Variants in DAB2IP observed in about 807,000 individuals in gnomAD.
DAB2IP encodes the protein DAB2 interacting protein.
Under a neutral mutation model 107.2 loss-of-function variants are expected in DAB2IP, and 28 were observed. The observed-to-expected ratio is 0.26, with a 90% CI of 0.19 to 0.36. DAB2IP has a LOEUF of 0.36. Among genes scored for constraint, DAB2IP ranks in the 10% least tolerant of loss-of-function variants. The pLI is 1.00. For missense variants in DAB2IP, 1,400 were observed against 1,644.7 expected (o/e 0.85, Z 2.57); for synonymous variants, 755 against 706.4 (o/e 1.07, Z -1.09).
At chr9:121,743,378 C>T (rs529866211) in intron 3 of DAB2IP, among the ~76,000 whole-genome samples, 1 of 152,244 alleles carries the variant, frequency 6.6e-6, no homozygotes, top group South Asian at 2.1e-4. Flanking sequence ...CTAAAATCTT[C>T]CTCAGAAGCC....
chr9:121,575,096 G>C (rs1233996131), intron 1 of DAB2IP: 3 of 152,390 alleles, frequency 2.0e-5, no homozygotes, highest in Non-Finnish European at 4.4e-5. Context: ...AGAGAGAAGA[G>C]TTGGTTTCCC....
At position 121,763,490 on chromosome 9, in the gene DAB2IP, C is replaced by T. The variant is rs1362105746; in HGVS notation, c.1171-15C>T. 1.9e-6 allele frequency: 3 copies of T among 1,606,474 alleles called. No homozygotes were observed. Among genetic ancestry groups the T allele is most frequent in the Non-Finnish European group, 1.7e-6 (2 of 1,176,390 alleles). On this transcript the variant is annotated splice_polypyrimidine_tract_variant and intron_variant, in intron 6 of 15. Coordinates refer to ENST00000408936, the Ensembl canonical transcript of DAB2IP. ...CCAGCTCAGGTCCTGCTCTCTCCAC[C>T]TCCTGCCTCCCCAGGACTTCCTGAC... is the stretch of plus-strand genomic sequence containing the variant.
In DAB2IP at chr9:121,739,342, A is replaced by G. The variant is rs141143827; in HGVS notation, c.363-17671A>G. On this transcript the variant is annotated intron_variant, in intron 3 of 15. Coordinates refer to ENST00000408936, the Ensembl canonical transcript of DAB2IP. ...TGGGTGTTGCTGGATGAGGTCAGAG[A>G]GTAGGTAGGTCATGACTGCCAATGT... Among the ~76,000 whole-genome samples the G allele has an allele frequency of 3.3e-5, 5 of 152,314 alleles. 1 individual carries two copies. In the East Asian group the frequency reaches 9.6e-4, roughly 29 times the overall value.
At chr9:121,716,221 C>G (rs912908632) in intron 3 of DAB2IP, among the ~76,000 whole-genome samples, 1 of 152,210 alleles carries the variant, frequency 6.6e-6, no homozygotes, top group Non-Finnish European at 1.5e-5. Flanking sequence ...GTGGAGTATA[C>G]TTTTATCTTC....
exon 16 of DAB2IP, chr9:121,783,794 A>C (rs776042839): frequency 1.7e-6 from 1 of 585,050 alleles, no homozygotes; most frequent in Non-Finnish European, 3.0e-6. Flanking sequence ...CCTCAGCTCT[A>C]GGCTGTTCTG....
chr9:121,636,492 G>C (rs1049631078), intron 1 of DAB2IP, among the ~76,000 whole-genome samples: 48 of 152,276 alleles, frequency 3.2e-4, no homozygotes, highest in Admixed American at 5.9e-4. Context: ...CGGGAGGCCT[G>C]GCCTGGGCTA....
chr9:121,656,219 G>A (rs1030236386), intron 1 of DAB2IP, among the ~76,000 whole-genome samples: 1 of 152,052 alleles, frequency 6.6e-6, no homozygotes, highest in Non-Finnish European at 1.5e-5. Context: ...TGTTGGTCAG[G>A]CTGGTCTCGA....
At chr9:121,781,845 G>A (rs1291592122) in intron 15 of DAB2IP, among the ~76,000 whole-genome samples, 1 of 151,732 alleles carries the variant, frequency 6.6e-6, no homozygotes, top group Admixed American at 6.6e-5. Context: ...GGGGGTAGGA[G>A]TGAAGGCAGG....
intron 3 of DAB2IP, among the ~76,000 whole-genome samples, chr9:121,735,294 C>T (rs1831818164): frequency 6.6e-6 from 1 of 152,074 alleles, no homozygotes; most frequent in Non-Finnish European, 1.5e-5. Flanking sequence ...GAGCCTGGAG[C>T]CTAGGGCCCA....
At chr9:121,615,568 G>A (rs1831241827) in intron 1 of DAB2IP, among the ~76,000 whole-genome samples, 1 of 152,052 alleles carries the variant, frequency 6.6e-6, no homozygotes, top group African/African-American at 2.4e-5. Flanking sequence ...GAGTGTCCAA[G>A]GCTGGGTGGC....
At chr9:121,620,588 G>A (rs769093762) in intron 1 of DAB2IP, among the ~76,000 whole-genome samples, 18 of 152,188 alleles carry the variant, frequency 1.2e-4, no homozygotes, top group Non-Finnish European at 1.9e-4. Flanking sequence ...TATAAAAGGA[G>A]CTCAATATAT....
At chr9:121,573,599 T>C (rs2118888418) in intron 1 of DAB2IP, among the ~76,000 whole-genome samples, 1 of 152,110 alleles carries the variant, frequency 6.6e-6, no homozygotes, top group African/African-American at 2.4e-5. Flanking sequence ...AGCAGGCTGG[T>C]CTTGAACTCC....
At chr9:121,751,233 A>G (rs899065278) in intron 3 of DAB2IP, 9 of 167,806 alleles carry the variant, frequency 5.4e-5, no homozygotes, top group Non-Finnish European at 1.3e-5. Flanking sequence ...GACGATGGAA[A>G]GGCCAAGCCA....
chr9:121,756,066 G>A (rs1015172734), intron 3 of DAB2IP, among the ~76,000 whole-genome samples: 2 of 152,198 alleles, frequency 1.3e-5, no homozygotes, highest in Non-Finnish European at 2.9e-5. Flanking sequence ...CTGCACCAGA[G>A]ATGGTCTTAG....
At chr9:121,584,709 G>A (rs934808301) in intron 1 of DAB2IP, among the ~76,000 whole-genome samples, 1 of 152,172 alleles carries the variant, frequency 6.6e-6, no homozygotes, top group African/African-American at 2.4e-5. Flanking sequence ...TGGGGCAAAG[G>A]GTGGGAAGTA....
At chr9:121,773,454 G>T in exon 12 of DAB2IP, 1 of 1,538,736 alleles carries the variant, frequency 6.5e-7, no homozygotes, top group Non-Finnish European at 8.7e-7. Flanking sequence ...TTCCTCCAAG[G>T]GGGACAGCCC....
At chr9:121,668,286 G>A (rs1291482239) in intron 1 of DAB2IP, among the ~76,000 whole-genome samples, 1 of 150,138 alleles carries the variant, frequency 6.7e-6, no homozygotes, top group East Asian at 2.1e-4. Flanking sequence ...TCTGCCTCCC[G>A]GGTTCAAGTG....
chr9:121,598,972 T>C (rs1275571818), intron 1 of DAB2IP, among the ~76,000 whole-genome samples: 1 of 152,192 alleles, frequency 6.6e-6, no homozygotes, highest in Admixed American at 6.5e-5. Context: ...GCTGGAGTCC[T>C]CGGGAGTTTC....
chr9:121,642,008 T>TCTCTCC (rs1832342793), intron 1 of DAB2IP, among the ~76,000 whole-genome samples: 1 of 23,416 alleles, frequency 4.3e-5, no homozygotes, highest in Non-Finnish European at 6.9e-5. Flanking sequence ...TCTCTCTCTC[T>TCTCTCC]CTCTCTCTCT....
Sources: allele counts gnomAD v4.1 joint callset (sites outside exome capture counted in the v4.1 genomes callset), GRCh38; gene constraint gnomAD v4.1.1; transcripts MANE v1.5; gene names NCBI Gene and HGNC (gene_info 2026-07-23, HGNC 2026-07-21).